Variants in RIMS3 observed in about 807,000 individuals in gnomAD.
RIMS3 encodes the protein regulating synaptic membrane exocytosis protein 3.
RIMS3 carries 15 observed loss-of-function variants against 29.2 expected under a neutral mutation model. That is an observed-to-expected ratio of 0.51 (90% CI 0.34 to 0.79). The LOEUF (loss-of-function observed/expected upper bound fraction) is 0.79. Among genes scored for constraint, RIMS3 ranks in the 30% least tolerant of loss-of-function variants. The probability of loss-of-function intolerance (pLI) is 0.01; values close to 1 mark genes in which losing one functional copy is unlikely to be tolerated. For synonymous variants in RIMS3, 161 were observed against 170.1 expected, an observed-to-expected ratio of 0.95 and a Z score of 0.41; for missense variants, 342 against 421.4, an observed-to-expected ratio of 0.81 and a Z score of 1.65.
At chr1:40,661,549 G>C (rs1198582249) in intron 1 of RIMS3, among the ~76,000 whole-genome samples, 1 of 152,172 alleles carries the variant, frequency 6.6e-6, no homozygotes, top group Non-Finnish European at 1.5e-5. Flanking sequence ...CGTGACCACT[G>C]ACTCTTGAAA....
At chr1:40,660,815 C>T (rs189164030) in intron 1 of RIMS3, among the ~76,000 whole-genome samples, 16 of 152,190 alleles carry the variant, frequency 1.1e-4, no homozygotes, top group African/African-American at 3.9e-4. Context: ...ACTTGAGGAG[C>T]CATGGTAGCA....
chr1:40,650,132 C>T (rs899114906), intron 1 of RIMS3, among the ~76,000 whole-genome samples: 2 of 152,140 alleles, frequency 1.3e-5, no homozygotes, highest in Non-Finnish European at 2.9e-5. Context: ...TCAGAACACA[C>T]AAGGGTAAGG....
At chr1:40,686,273 A>G in the RIMS3 span, among the ~76,000 whole-genome samples, 1 of 152,144 alleles carries the variant, frequency 6.6e-6, no homozygotes, top group East Asian at 1.9e-4. Context: ...TATATATCCA[A>G]ACTTGAACTC....
chr1:40,691,959 A>C, the RIMS3 span: 3 of 313,466 alleles, frequency 9.6e-6, no homozygotes, highest in South Asian at 6.8e-5. Context: ...CAGAGACCTC[A>C]CTTCCTCGCG....
At position 40,635,924 on chromosome 1, in the gene RIMS3, G is replaced by A. The variant is rs751181648; in HGVS notation, c.351C>T (p.Ser117=). 6.8e-6 allele frequency: 11 copies of A among 1,612,792 alleles called. No individual in the cohort carries two copies. The African/African-American group carries it at 8.0e-5, about 12-fold the overall frequency. ...CACGGGGCTGCACGCACGTGCCGTC[G>A]GAGCTGTTGCTGTTGGTGCTCCCAT... ...STDGSTNSNS[S]DGTFIFPTTR... is the part of the protein sequence containing the mutation. The change falls in exon 4 of 8, where the codon TCC becomes TCT. Residue 117 remains serine (S), a synonymous_variant. Transcript: ENST00000372684. This position sits in a 1 kb window ranked among gnomAD's most constrained non-coding sequence, Gnocchi z 4.1.
chr1:40,635,235 A>T lies in RIMS3; in HGVS notation c.359+681T>A, dbSNP rs1646512110. ...CTATAATTTCATAGACTTAGAAGAG[A>T]TCTGTGGGAATATCTAAACCAGTGA... is the stretch of plus-strand genomic sequence containing the variant. On this transcript the variant is annotated intron_variant, in intron 4 of 7. Coordinates refer to ENST00000372684, the MANE Select transcript of RIMS3 (RefSeq NM_014747.3). The surrounding 1 kb of genome is among the most constrained non-coding windows in gnomAD (Gnocchi z 4.1). Among the ~76,000 whole-genome samples the T allele has an allele frequency of 6.6e-6, 1 of 152,234 alleles. No homozygotes were observed. Among genetic ancestry groups the T allele is most frequent in the African/African-American group, 2.4e-5 (1 of 41,474 alleles).
At chr1:40,686,798 A>G in the RIMS3 span, among the ~76,000 whole-genome samples, 3 of 152,256 alleles carry the variant, frequency 2.0e-5, no homozygotes, top group East Asian at 5.8e-4. Context: ...ATTGCTGATG[A>G]TGTGTTCAGG....
At chr1:40,679,252 G>A in the RIMS3 span, among the ~76,000 whole-genome samples, 5 of 152,198 alleles carry the variant, frequency 3.3e-5, no homozygotes, top group Admixed American at 2.0e-4. Flanking sequence ...AGAGCCTCCA[G>A]CAGAAGCAGA....
At chr1:40,664,080 G>A (rs1282247033) in intron 1 of RIMS3, among the ~76,000 whole-genome samples, 1 of 152,172 alleles carries the variant, frequency 6.6e-6, no homozygotes, top group Non-Finnish European at 1.5e-5. Flanking sequence ...CCCTGCAAAG[G>A]GTCGGATAAG....
At chr1:40,671,014 CA>C in the RIMS3 span, among the ~76,000 whole-genome samples, 1 of 152,198 alleles carries the variant, frequency 6.6e-6, no homozygotes, top group East Asian at 1.9e-4. Flanking sequence ...AAAGAAAGAG[CA>C]GATTTGGGGA....
the RIMS3 span, among the ~76,000 whole-genome samples, chr1:40,685,972 A>G: frequency 6.6e-6 from 1 of 152,110 alleles, no homozygotes; most frequent in East Asian, 1.9e-4. Context: ...ACATGGTGAA[A>G]CCCCGTCTTT....
chr1:40,623,255 C>T lies in RIMS3; in HGVS notation c.*3262G>A. 2.5e-6 allele frequency: 1 copy of T among 396,876 alleles called. No homozygotes were observed. Among genetic ancestry groups the T allele is most frequent in the Non-Finnish European group, 4.4e-6 (1 of 225,512 alleles). 24.6% of individuals were successfully genotyped at this position (396,876 alleles called of 1,614,324 possible). A position where few individuals can be genotyped will look rare whatever the true frequency, so the allele number is the denominator to read the frequency against. On this transcript the variant is annotated 3_prime_UTR_variant, in exon 8 of 8. Coordinates refer to ENST00000372684, the MANE Select transcript of RIMS3 (RefSeq NM_014747.3). Reference sequence around the variant, plus strand: ...TGGTAGAAGAAACCAGATGGGGAGTCATTTTGGAGATGATTCTTCCCTGAA... The same window carrying T: ...TGGTAGAAGAAACCAGATGGGGAGTTATTTTGGAGATGATTCTTCCCTGAA...
At chr1:40,689,080 G>A in the RIMS3 span, among the ~76,000 whole-genome samples, 1 of 152,178 alleles carries the variant, frequency 6.6e-6, no homozygotes, top group Non-Finnish European at 1.5e-5. Flanking sequence ...CAATCTCAGT[G>A]GCTTACAACA....
At chr1:40,679,350 G>A in the RIMS3 span, among the ~76,000 whole-genome samples, 1 of 152,222 alleles carries the variant, frequency 6.6e-6, no homozygotes, top group Non-Finnish European at 1.5e-5. Context: ...AAATATGACA[G>A]GAAGCCAGCT....
chr1:40,672,054 A>C, the RIMS3 span, among the ~76,000 whole-genome samples: 1 of 150,974 alleles, frequency 6.6e-6, no homozygotes, highest in African/African-American at 2.4e-5. Flanking sequence ...CACCGTGCCC[A>C]GCCTCCCTTT....
chr1:40,667,558 T>A (rs1642441257), upstream of RIMS3, among the ~76,000 whole-genome samples: 1 of 152,168 alleles, frequency 6.6e-6, no homozygotes, highest in African/African-American at 2.4e-5. Flanking sequence ...AATTTCAGTA[T>A]CTTCAAAGTT....
At position 40,633,103 on chromosome 1, in the gene RIMS3, A is replaced by G. The variant is rs774741415; in HGVS notation, c.438T>C (p.Ile146=). The G allele has an allele frequency of 5.0e-6, 8 of 1,614,044 alleles. No homozygotes were observed. Among genetic ancestry groups the G allele is most frequent in the African/African-American group, 2.7e-5 (2 of 74,936 alleles). The change falls in exon 5 of 8, where the codon ATT becomes ATC. Residue 146 remains isoleucine, a synonymous_variant. Transcript: ENST00000372684. ...DFLDGLGPAQ[I]VGRQTLATPP... is the part of the protein sequence containing the mutation. The stretch of plus-strand genomic sequence containing the variant: ...GTGTTGCCAGTGTCTGTCGCCCCAC[A>G]ATCTGAGCTGGTCCCAGCCCATCCA...
At chr1:40,632,459 T>C (rs1391234031) in intron 5 of RIMS3, among the ~76,000 whole-genome samples, 2 of 115,654 alleles carry the variant, frequency 1.7e-5, no homozygotes, top group East Asian at 2.2e-4. Flanking sequence ...TATATATATA[T>C]ATATGCCATC....
At chr1:40,638,664 C>T (rs1006218824) in intron 3 of RIMS3, among the ~76,000 whole-genome samples, 1 of 152,198 alleles carries the variant, frequency 6.6e-6, no homozygotes, top group South Asian at 2.1e-4. Flanking sequence ...TCCGTTTGGG[C>T]AGGGGCTGGG....
Sources: allele counts gnomAD v4.1 joint callset (sites outside exome capture counted in the v4.1 genomes callset), GRCh38; gene constraint gnomAD v4.1.1; non-coding constraint Gnocchi (gnomAD v3.1); transcripts MANE v1.5; gene names NCBI Gene and HGNC (gene_info 2026-07-23, HGNC 2026-07-21).